DIP2C: variants seen among roughly 807,000 people sequenced by gnomAD.
The protein encoded by DIP2C is disco-interacting protein 2 homolog C.
Under a neutral mutation model 192.4 loss-of-function variants are expected in DIP2C, and 33 were observed. The ratio of observed to expected loss-of-function variants is 0.17; its 90% confidence interval spans 0.13 to 0.23. The LOEUF (loss-of-function observed/expected upper bound fraction) is 0.23, where lower values mean the gene tolerates loss of function less well. Ranked by LOEUF, DIP2C falls within the 10% of genes least tolerant of loss-of-function variation. The pLI is 1.00. For missense variants in DIP2C, 1,537 were observed against 2,110.1 expected (o/e 0.73, Z 5.32); for synonymous variants, 979 against 864.1 (o/e 1.13, Z -2.33).
chr10:378,575 A>G (rs1184553624), intron 17 of DIP2C, among the ~76,000 whole-genome samples: 1 of 126,708 alleles, frequency 7.9e-6, no homozygotes, highest in Non-Finnish European at 1.7e-5. Flanking sequence ...AAACATGCAG[A>G]CATGTGAACG....
chr10:343,295 A>G (rs1304440234), intron 28 of DIP2C, among the ~76,000 whole-genome samples: 1 of 152,226 alleles, frequency 6.6e-6, no homozygotes, highest in Non-Finnish European at 1.5e-5. Context: ...TCTCAAACAA[A>G]AAAACATGTC....
chr10:668,435 A>G (rs1203657337), intron 1 of DIP2C: 1 of 152,248 alleles, frequency 6.6e-6, no homozygotes, highest in African/African-American at 2.4e-5. Context: ...TACAACATAC[A>G]ATACATGCAA....
At chr10:281,593 C>T (rs545785343) in intron 35 of DIP2C, among the ~76,000 whole-genome samples, 2 of 152,320 alleles carry the variant, frequency 1.3e-5, no homozygotes, top group Admixed American at 6.5e-5. Flanking sequence ...GGCTCAGCTT[C>T]GATATCCAGT....
At chr10:621,390 G>A (rs1052056470) in intron 1 of DIP2C, among the ~76,000 whole-genome samples, 51 of 150,608 alleles carry the variant, frequency 3.4e-4, no homozygotes, top group African/African-American at 1.1e-3. Flanking sequence ...CACCACCCCC[G>A]GGGTGCACAC....
chr10:509,534 G>C (rs908642460), intron 1 of DIP2C, among the ~76,000 whole-genome samples: 4 of 152,164 alleles, frequency 2.6e-5, no homozygotes, highest in African/African-American at 9.7e-5. Flanking sequence ...CTCACACACA[G>C]CCCATTCCCA....
At chr10:655,817 TCTA>T (rs747967090) in intron 1 of DIP2C, among the ~76,000 whole-genome samples, 11 of 152,084 alleles carry the variant, frequency 7.2e-5, no homozygotes, top group South Asian at 2.1e-4. Flanking sequence ...TATAGAACAC[TCTA>T]CTATTTGTCC....
Position 651,514 on chromosome 10 carries a change from AGGTATTATGC to A in DIP2C, c.85+37970_85+37979del. 4 of 529,806 alleles carry A rather than the reference AGGTATTATGC, an allele frequency of 7.5e-6. No individual in the cohort carries two copies. Among genetic ancestry groups the A allele is most frequent in the Admixed American group, 2.8e-5 (1 of 36,348 alleles). The allele number at this position is 529,806 out of a possible 1,614,324, so 32.8% of individuals were successfully genotyped here. ...TATATGAAAATCCGTATCCACGTGAAGGTATTATGCAAAAAAAGCTTAACTTTGTTTCAGT... is the reference window on the plus strand; with the variant it reads ...TATATGAAAATCCGTATCCACGTGAAAAAAAAAGCTTAACTTTGTTTCAGT... On this transcript the variant is annotated intron_variant, in intron 1 of 36. Transcript: ENST00000280886. This position sits in a 1 kb window ranked among gnomAD's most constrained non-coding sequence, Gnocchi z 4.1.
intron 1 of DIP2C, among the ~76,000 whole-genome samples, chr10:533,216 GGA>G (rs1353974938): frequency 6.6e-6 from 1 of 151,992 alleles, no homozygotes; most frequent in Non-Finnish European, 1.5e-5. Context: ...TCCGGTATGA[GGA>G]GAGAAAGAAA....
At chr10:418,869 C>CT (rs1965980991) in intron 6 of DIP2C, among the ~76,000 whole-genome samples, 196 bp downstream of exon 6, 2 of 152,246 alleles carry the variant, frequency 1.3e-5, no homozygotes, top group African/African-American at 4.8e-5. Flanking sequence ...CAAGGAATAA[C>CT]TGTGGGCTCA....
intron 3 of DIP2C, among the ~76,000 whole-genome samples, chr10:464,493 C>T (rs1342814872): frequency 6.6e-6 from 1 of 151,914 alleles, no homozygotes; most frequent in African/African-American, 2.4e-5. Context: ...AGTCAGGCAA[C>T]AACAGATGCT....
chr10:362,402 A>G, intron 22 of DIP2C, 88 bp downstream of exon 22: 1 of 1,438,168 alleles, frequency 7.0e-7, no homozygotes, highest in Non-Finnish European at 9.4e-7. Flanking sequence ...TCCTGCAAGC[A>G]GCCCTGGGTG....
chr10:510,121 C>T (rs1370439314), intron 1 of DIP2C, among the ~76,000 whole-genome samples: 3 of 152,310 alleles, frequency 2.0e-5, no homozygotes, highest in Middle Eastern at 3.4e-3. Context: ...CTGGGGGACC[C>T]GTACAACACG....
chr10:576,579 C>T (rs995127781), intron 1 of DIP2C, among the ~76,000 whole-genome samples: 7 of 152,178 alleles, frequency 4.6e-5, no homozygotes, highest in Admixed American at 3.9e-4. Context: ...TTAATACAAC[C>T]AGGTGCTATC....
intron 2 of DIP2C, among the ~76,000 whole-genome samples, chr10:479,433 A>G (rs1171408130): frequency 6.7e-6 from 1 of 149,956 alleles, no homozygotes. Flanking sequence ...TCCCAGGTTC[A>G]AGTGATTCTT....
Position 326,993 on chromosome 10 carries a change from C to A in DIP2C, c.3924+13G>T. 2 of 1,605,096 alleles carry A rather than the reference C, an allele frequency of 1.2e-6. No individual in the cohort carries two copies. The highest frequency in any genetic ancestry group is 4.5e-5 in the East Asian group (2 of 44,858). On this transcript the variant is annotated intron_variant, in intron 31 of 36. Transcript: ENST00000280886. Reference sequence around the variant, plus strand: ...CACTTCCCACTCAGCACTGTGATGTCGCCGAATCTCACCTGCAAGCAAATC... The same window carrying A: ...CACTTCCCACTCAGCACTGTGATGTAGCCGAATCTCACCTGCAAGCAAATC...
At chr10:492,558 AGT>A (rs1398722970) in intron 1 of DIP2C, among the ~76,000 whole-genome samples, 1 of 152,222 alleles carries the variant, frequency 6.6e-6, no homozygotes, top group African/African-American at 2.4e-5. Context: ...ATTGTTATTT[AGT>A]GCCTAGCGCC....
At chr10:461,817 C>A (rs757157720) in intron 3 of DIP2C, among the ~76,000 whole-genome samples, 1 of 152,152 alleles carries the variant, frequency 6.6e-6, no homozygotes, top group African/African-American at 2.4e-5. Flanking sequence ...GGATGGAAAT[C>A]ATAACAAACA....
Position 387,801 on chromosome 10 carries a change from T to C in DIP2C, c.1606A>G (p.Ile536Val), listed in dbSNP as rs747323499. ...QACGYTEAET[I>V]VNVLDFKKDV... Reference sequence around the variant, plus strand: ...TTCTTGAAATCCAGCACATTCACAATGGTTTCAGCTGCACAACAGAGGGAG... The same window carrying C: ...TTCTTGAAATCCAGCACATTCACAACGGTTTCAGCTGCACAACAGAGGGAG... The change falls in exon 14 of 37, where the codon ATT (isoleucine) becomes GTT (valine). Residue 536 changes from isoleucine to valine, a missense_variant. Physicochemically the swap from Ile to Val is conservative, Grantham distance 29 (BLOSUM62 3). Coordinates refer to ENST00000280886, the MANE Select transcript of DIP2C (RefSeq NM_014974.3). The C allele has an allele frequency of 6.2e-7, 1 of 1,614,168 alleles. No individual in the cohort carries two copies. The highest frequency in any genetic ancestry group is 8.5e-7 in the Non-Finnish European group (1 of 1,180,020).
intron 2 of DIP2C, among the ~76,000 whole-genome samples, chr10:473,576 A>G (rs1440157103): frequency 6.6e-6 from 1 of 151,898 alleles, no homozygotes; most frequent in Non-Finnish European, 1.5e-5. Flanking sequence ...CAGTTCTGTG[A>G]ACGGCTCTGA....
Sources: allele counts gnomAD v4.1 joint callset (sites outside exome capture counted in the v4.1 genomes callset), GRCh38; gene constraint gnomAD v4.1.1; non-coding constraint Gnocchi (gnomAD v3.1); transcripts MANE v1.5; gene names NCBI Gene and HGNC (gene_info 2026-07-23, HGNC 2026-07-21).